COL11A1: variants seen among roughly 807,000 people sequenced by gnomAD.
COL11A1 encodes collagen alpha-1(XI) chain.
Under a neutral mutation model 265.2 loss-of-function variants are expected in COL11A1, and 74 were observed. The ratio of observed to expected loss-of-function variants is 0.28; its 90% CI spans 0.23 to 0.34. The LOEUF (loss-of-function observed/expected upper bound fraction) is 0.34. COL11A1 is among the 10% of genes least tolerant of loss of function. COL11A1 has a pLI of 1.00. For synonymous variants in COL11A1, 816 were observed against 727.6 expected (o/e 1.12, Z -1.96); for missense variants, 2,165 against 2,263.6 (o/e 0.96, Z 0.88).
At chr1:103,044,051 T>C (rs536888773) in intron 4 of COL11A1, among the ~76,000 whole-genome samples, 47 of 152,192 alleles carry the variant, frequency 3.1e-4, no homozygotes, top group South Asian at 2.7e-3. Context: ...AAATTAAATC[T>C]TAAATGTGGC....
At chr1:103,089,899 G>A (rs1287831304) in intron 1 of COL11A1, among the ~76,000 whole-genome samples, 1 of 152,218 alleles carries the variant, frequency 6.6e-6, no homozygotes, top group African/African-American at 2.4e-5. Flanking sequence ...GCCGAGGTGG[G>A]TGGATCACGA....
intron 2 of COL11A1, among the ~76,000 whole-genome samples, chr1:103,082,459 T>C (rs1247725379): frequency 6.6e-6 from 1 of 152,040 alleles, no homozygotes; most frequent in African/African-American, 2.4e-5. Flanking sequence ...AAGCTCTACC[T>C]AATTACAAGT....
intron 11 of COL11A1, 82 bp downstream of exon 11, chr1:103,017,738 T>C (rs992151583): frequency 8.3e-6 from 10 of 1,210,252 alleles, no homozygotes; most frequent in Non-Finnish European, 1.1e-5. Context: ...TAAGATAACA[T>C]GTTATACTTG....
chr1:102,950,830 C>T (rs1185493501), intron 41 of COL11A1, among the ~76,000 whole-genome samples: 1 of 152,148 alleles, frequency 6.6e-6, no homozygotes, highest in African/African-American at 2.4e-5. Flanking sequence ...CCCCACCTGT[C>T]AAGGGAGAGA....
chr1:103,006,526 A>ATTTT (rs4013849), intron 15 of COL11A1, among the ~76,000 whole-genome samples: 8,393 of 82,608 alleles, frequency 0.1, 2,310 homozygotes, highest in East Asian at 0.23. Context: ...AAATGGCTCC[A>ATTTT]TTTTTTTTTT....
At chr1:103,083,058 A>C in intron 1 of COL11A1, 86 bp from the exon 2 acceptor site, 1 of 1,285,768 alleles carries the variant, frequency 7.8e-7, no homozygotes, top group Non-Finnish European at 1.1e-6. Flanking sequence ...ATAGTATGTC[A>C]TTTCATACCT....
intron 1 of COL11A1, among the ~76,000 whole-genome samples, chr1:103,091,947 A>G (rs1392823304): frequency 1.3e-5 from 2 of 152,150 alleles, no homozygotes; most frequent in Admixed American, 6.5e-5. Context: ...CTATCTTTTC[A>G]GAAAATAGAA....
chr1:103,078,715 C>A lies in COL11A1; in HGVS notation c.431G>T (p.Gly144Val). Reference protein sequence around the residue: ...SPVFLFEDHTGKPAPEDYPLF... With the variant: ...SPVFLFEDHTVKPAPEDYPLF... ...GGGATAGTCTTCTGGGGCAGGTTTTCCAGTGTGGTCTTCAAACAGAAAAAC... is the reference window on the plus strand; with the variant it reads ...GGGATAGTCTTCTGGGGCAGGTTTTACAGTGTGGTCTTCAAACAGAAAAAC... The change falls in exon 3 of 67, where the codon GGA becomes GTA. Residue 144 changes from glycine (G) to valine (V), a missense_variant. Coordinates refer to ENST00000370096, the MANE Select transcript of COL11A1 (RefSeq NM_001854.4). The A allele has an allele frequency of 6.2e-7, 1 of 1,613,450 alleles. No individual in the cohort carries two copies. Among genetic ancestry groups the A allele is most frequent in the Non-Finnish European group, 8.5e-7 (1 of 1,179,636 alleles).
Position 102,976,289 on chromosome 1 carries a change from C to CTTTTTTTTTTTTTTTTTTTTT in COL11A1, c.2755-1427_2755-1407dup, listed in dbSNP as rs149842131. 2.0e-4 allele frequency among the ~76,000 whole-genome samples: 12 copies of CTTTTTTTTTTTTTTTTTTTTT among 58,578 alleles called. 4 individuals carry two copies. Among genetic ancestry groups the CTTTTTTTTTTTTTTTTTTTTT allele is most frequent in the East Asian group, 1.3e-3 (2 of 1,552 alleles). 38.4% of individuals were successfully genotyped at this position (58,578 alleles called of 152,430 possible). On this transcript the variant is annotated intron_variant, in intron 35 of 66. Coordinates refer to ENST00000370096, the MANE Select transcript of COL11A1 (RefSeq NM_001854.4). Reference sequence around the variant, plus strand: ...TATAAAATTTCACAGAAAACGTTGGCTTTTTTTTTTTTTTTTTTTTTTTTT... The same window carrying CTTTTTTTTTTTTTTTTTTTTT: ...TATAAAATTTCACAGAAAACGTTGGCTTTTTTTTTTTTTTTTTTTTTTTTTTTTTTTTTTTTTTTTTTTTTT...
intron 4 of COL11A1, among the ~76,000 whole-genome samples, chr1:103,063,246 A>G (rs1308188925): frequency 6.6e-6 from 1 of 152,084 alleles, no homozygotes; most frequent in Non-Finnish European, 1.5e-5. Flanking sequence ...AACATCCAGA[A>G]TAGTCAATTA....
intron 24 of COL11A1, among the ~76,000 whole-genome samples, chr1:103,000,475 T>C (rs950202343): frequency 1.3e-5 from 2 of 151,800 alleles, no homozygotes; most frequent in Admixed American, 6.6e-5. Context: ...ATCAAAGAAG[T>C]TATAGAAATG....
At chr1:103,027,273 T>A in intron 5 of COL11A1, among the ~76,000 whole-genome samples, 1 of 150,344 alleles carries the variant, frequency 6.7e-6, no homozygotes, top group South Asian at 2.1e-4. Context: ...ATAAAAATTT[T>A]AATTTTCAAT....
At chr1:102,963,369 G>T (rs1205626584) in intron 38 of COL11A1, among the ~76,000 whole-genome samples, 2 of 152,146 alleles carry the variant, frequency 1.3e-5, no homozygotes, top group Non-Finnish European at 2.9e-5. Context: ...GTAACAAATG[G>T]TCAGCTGCCT....
rs1389430938 is a variant in COL11A1 at position 102,998,382 on chromosome 1, AT to A, written c.2143-20del. 6.6e-7 allele frequency: 1 copy of A among 1,525,370 alleles called. No individual in the cohort carries two copies. Among genetic ancestry groups the A allele is most frequent in the Middle Eastern group, 2.4e-4 (1 of 4,166 alleles). The allele number at this position is 1,525,370 out of a possible 1,614,324, so 94.5% of individuals were successfully genotyped here. A position where few individuals can be genotyped will look rare whatever the true frequency, so the allele number is the denominator to read the frequency against. On this transcript the variant is annotated intron_variant, in intron 24 of 66. Transcript: ENST00000370096. ...GTGGTCCCTTATAGAGAAAAAAAAA[AT>A]ATTAAAAAGATAAAAATAATTTTAA...
intron 5 of COL11A1, among the ~76,000 whole-genome samples, chr1:103,028,794 T>C (rs921602415): frequency 6.6e-5 from 10 of 152,190 alleles, no homozygotes; most frequent in African/African-American, 2.4e-4. Context: ...CTAATTGTTT[T>C]GTAAATTCCT....
intron 2 of COL11A1, among the ~76,000 whole-genome samples, chr1:103,082,569 G>A (rs1348280985): frequency 2.0e-5 from 3 of 152,014 alleles, no homozygotes; most frequent in South Asian, 2.1e-4. Context: ...ATGTGATTGT[G>A]TTGAATTAAG....
In COL11A1 at chr1:102,881,615, C is replaced by A. The variant is rs561808663; in HGVS notation, c.5040+82G>T. 6 of 1,131,078 alleles carry A rather than the reference C, an allele frequency of 5.3e-6. No individual in the cohort carries two copies. The African/African-American group carries it at 9.2e-5, about 17-fold the overall frequency. The allele number at this position is 1,131,078 out of a possible 1,614,324, so 70.1% of individuals were successfully genotyped here. Reference sequence around the variant, plus strand: ...TCATTTAGCATAATTTAGACTTTCACTGTTAAAGTCCAGAAATACATAATC... The same window carrying A: ...TCATTTAGCATAATTTAGACTTTCAATGTTAAAGTCCAGAAATACATAATC... On this transcript the variant is annotated intron_variant, in intron 65 of 66. Coordinates refer to ENST00000370096, the MANE Select transcript of COL11A1 (RefSeq NM_001854.4).
rs781456309 is a variant in COL11A1 at position 103,023,028 on chromosome 1, C to T, written c.991-32G>A. On this transcript the variant is annotated intron_variant, in intron 7 of 66. Transcript: ENST00000370096. Reference sequence around the variant, plus strand: ...ATTTAAATTGCAAGGAATTGAGGAACATGAAGTTTATTGTTAGTAAAGCAA... The same window carrying T: ...ATTTAAATTGCAAGGAATTGAGGAATATGAAGTTTATTGTTAGTAAAGCAA... 5.0e-6 allele frequency: 8 copies of T among 1,602,268 alleles called. No homozygotes were observed. Among genetic ancestry groups the T allele is most frequent in the Admixed American group, 1.7e-5 (1 of 59,950 alleles).
chr1:103,047,232 C>A (rs1477374723), intron 4 of COL11A1, among the ~76,000 whole-genome samples: 1 of 152,136 alleles, frequency 6.6e-6, no homozygotes, highest in African/African-American at 2.4e-5. Context: ...ATTTTTCCTA[C>A]CCATGAGCAT....
Sources: allele counts gnomAD v4.1 joint callset (sites outside exome capture counted in the v4.1 genomes callset), GRCh38; gene constraint gnomAD v4.1.1; transcripts MANE v1.5; gene names NCBI Gene and HGNC (gene_info 2026-07-23, HGNC 2026-07-21).